SAPCD2: variants seen among roughly 807,000 people sequenced by gnomAD.
SAPCD2 encodes suppressor APC domain-containing protein 2.
A neutral mutation model predicts 37.8 loss-of-function variants in SAPCD2; 34 were observed. The ratio of observed to expected loss-of-function variants is 0.90; its 90% CI spans 0.68 to 1.20. SAPCD2 has a LOEUF of 1.20. SAPCD2 is among the 50% of genes most tolerant of loss of function. SAPCD2 has a pLI of 0.00. For synonymous variants in SAPCD2, 275 were observed against 270.3 expected (o/e 1.02, Z -0.17); for missense variants, 572 against 584.7 (o/e 0.98, Z 0.22).
Position 137,064,583 on chromosome 9 carries a change from G to A in SAPCD2, c.*76C>T. 2.0e-6 allele frequency: 3 copies of A among 1,509,532 alleles called. No homozygotes were observed. Among genetic ancestry groups the A allele is most frequent in the Non-Finnish European group, 2.7e-6 (3 of 1,112,708 alleles). 93.5% of individuals were successfully genotyped at this position (1,509,532 alleles called of 1,614,324 possible). A position where few individuals can be genotyped will look rare whatever the true frequency, so the allele number is the denominator to read the frequency against. On this transcript the variant is annotated 3_prime_UTR_variant, in exon 6 of 6. Coordinates refer to ENST00000409687, the MANE Select transcript of SAPCD2 (RefSeq NM_178448.4). ...TGCCGGGGGTCTCCAGCCAGAGAGG[G>A]TGGGTGCGATGGGGCGCCCACCCTC...
intron 1 of SAPCD2, among the ~76,000 whole-genome samples, chr9:137,067,089 G>A (rs9411244): frequency 0.2 from 30,307 of 152,028 alleles, 3,503 homozygotes; most frequent in East Asian, 0.34. Context: ...CCAGGTTCAA[G>A]TGATTCTCCG....
intron 1 of SAPCD2, among the ~76,000 whole-genome samples, chr9:137,067,940 C>G (rs993581350): frequency 6.6e-6 from 1 of 152,166 alleles, no homozygotes; most frequent in Non-Finnish European, 1.5e-5. Context: ...GGTGCCACTC[C>G]GGCCCAGCTT....
chr9:137,070,024 G>T lies in SAPCD2; in HGVS notation c.437C>A (p.Ala146Asp). The T allele has an allele frequency of 3.3e-6, 4 of 1,204,850 alleles. No homozygotes were observed. Among genetic ancestry groups the T allele is most frequent in the Non-Finnish European group, 3.1e-6 (3 of 970,618 alleles). 74.6% of individuals were successfully genotyped at this position (1,204,850 alleles called of 1,614,324 possible). The change falls in exon 1 of 6, where the codon GCC becomes GAC. Residue 146 changes from alanine to aspartate, a missense_variant. Transcript: ENST00000409687. The stretch of plus-strand genomic sequence containing the variant: ...GGCGGCGCTGGGACCGGCCAGAGGG[G>T]CGCGCACGCCCAGGGGCAGGGGCTT... ...ERKPLPLGVR[A>D]PLAGPSAAAR...
rs1832600357 is a variant in SAPCD2 at position 137,069,981 on chromosome 9, C to G, written c.480G>C (p.Gln160His). 1.6e-6 allele frequency: 2 copies of G among 1,231,198 alleles called. No individual in the cohort carries two copies. The highest frequency in any genetic ancestry group is 4.3e-5 in the Admixed American group (1 of 23,254). The allele number at this position is 1,231,198 out of a possible 1,614,324, so 76.3% of individuals were successfully genotyped here. ...GCGCCGCCTCAGCCGGGGCGCACAGCTGCTCCGGGCTGCGGGCGGCGGCGC... is the reference window on the plus strand; with the variant it reads ...GCGCCGCCTCAGCCGGGGCGCACAGGTGCTCCGGGCTGCGGGCGGCGGCGC... Reference protein sequence around the residue: ...GPSAAARSPEQLCAPAEAAPC... With the variant: ...GPSAAARSPEHLCAPAEAAPC... The change falls in exon 1 of 6, where the codon CAG becomes CAC. Residue 160 changes from glutamine (Q) to histidine (H), a missense_variant. Transcript: ENST00000409687.
chr9:137,067,828 G>A (rs1029071531), intron 1 of SAPCD2, among the ~76,000 whole-genome samples: 2 of 147,708 alleles, frequency 1.4e-5, no homozygotes, highest in African/African-American at 4.9e-5. Flanking sequence ...TACGCCAGGC[G>A]GTGCACCCAA....
chr9:137,065,223 G>A (rs771903197), intron 3 of SAPCD2, 38 bp from the exon 4 acceptor site: 3 of 1,374,064 alleles, frequency 2.2e-6, no homozygotes, highest in Middle Eastern at 1.9e-4. Flanking sequence ...CAGAGAGGAG[G>A]TCCAGCCGGG....
In SAPCD2 at chr9:137,070,288, C is replaced by A; in HGVS notation, c.173G>T (p.Gly58Val). Residue 58 changes from glycine (G) to valine (V), a missense_variant, in exon 1 of 6, where the codon GGC (glycine) becomes GTC (valine). Transcript: ENST00000409687. ...HLREIESRWQ[G>V]TDARELPRGV... The stretch of plus-strand genomic sequence containing the variant: ...GCGGGGCAGCTCCCGCGCGTCGGTG[C>A]CCTGCCAGCGGGACTCGATCTCGCG... 2 of 1,467,894 alleles carry A rather than the reference C, an allele frequency of 1.4e-6. No homozygotes were observed. The highest frequency in any genetic ancestry group is 1.8e-6 in the Non-Finnish European group (2 of 1,112,288). 90.9% of individuals were successfully genotyped at this position (1,467,894 alleles called of 1,614,324 possible). A position where few individuals can be genotyped will look rare whatever the true frequency, so the allele number is the denominator to read the frequency against.
intron 4 of SAPCD2, 27 bp downstream of exon 4, chr9:137,065,051 G>C (rs1430140997): frequency 6.7e-7 from 1 of 1,498,904 alleles, no homozygotes; most frequent in Non-Finnish European, 9.0e-7. Context: ...GCCCCAGCGT[G>C]GGTGTGGGGG....
In SAPCD2 at chr9:137,064,333, C is replaced by T; in HGVS notation, c.*326G>A. 2.5e-6 allele frequency: 1 copy of T among 404,938 alleles called. No homozygotes were observed. Among genetic ancestry groups the T allele is most frequent in the Non-Finnish European group, 4.5e-6 (1 of 220,868 alleles). The allele number at this position is 404,938 out of a possible 1,614,324, so 25.1% of individuals were successfully genotyped here. ...GAAGATGGGACCCAGGGCGGCACCG[C>T]TGGAAACGGGGGGACGCTAACTCAT... On this transcript the variant is annotated 3_prime_UTR_variant, in exon 6 of 6. Coordinates refer to ENST00000409687, the MANE Select transcript of SAPCD2 (RefSeq NM_178448.4).
chr9:137,067,666 C>T lies in SAPCD2; in HGVS notation c.572-1292G>A, dbSNP rs567654674. ...GCATGCACCTGTAATCCCAGCTACT[C>T]GGGAGGCTGAAGCAGGAGGATCGCT... On this transcript the variant is annotated intron_variant, in intron 1 of 5. Transcript: ENST00000409687. 8.8e-5 allele frequency among the ~76,000 whole-genome samples: 13 copies of T among 147,018 alleles called. No individual in the cohort carries two copies. In the East Asian group the frequency reaches 2.5e-3, roughly 28 times the overall value.
Position 137,062,222 on chromosome 9 carries a change from A to C in SAPCD2, c.*2437T>G, listed in dbSNP as rs1404397398. 6.6e-6 allele frequency: 1 copy of C among 152,028 alleles called. No homozygotes were observed. Among genetic ancestry groups the C allele is most frequent in the Non-Finnish European group, 1.5e-5 (1 of 68,016 alleles). The allele number at this position is 152,028 out of a possible 1,614,324, so 9.4% of individuals were successfully genotyped here. ...AATTCTAGTATCTGGGTCTAGAGTC[A>C]ATCTGTTGCTTCTGCTGGGTCTCAT... On this transcript the variant is annotated 3_prime_UTR_variant, in exon 6 of 6. Transcript: ENST00000409687.
chr9:137,065,478 G>T, intron 3 of SAPCD2, 44 bp downstream of exon 3: 1 of 1,545,826 alleles, frequency 6.5e-7, no homozygotes, highest in Non-Finnish European at 8.7e-7. Flanking sequence ...GGTGAGCTGG[G>T]GTCCCCATGT....
In SAPCD2 at chr9:137,064,330, C is replaced by T. The variant is rs1832508880; in HGVS notation, c.*329G>A. ...CCTGAAGATGGGACCCAGGGCGGCA[C>T]CGCTGGAAACGGGGGGACGCTAACT... On this transcript the variant is annotated 3_prime_UTR_variant, in exon 6 of 6. Coordinates refer to ENST00000409687, the MANE Select transcript of SAPCD2 (RefSeq NM_178448.4). 4.3e-5 allele frequency: 17 copies of T among 398,282 alleles called. No homozygotes were observed. Among genetic ancestry groups the T allele is most frequent in the South Asian group, 4.1e-4 (17 of 41,854 alleles). 24.7% of individuals were successfully genotyped at this position (398,282 alleles called of 1,614,324 possible). A position where few individuals can be genotyped will look rare whatever the true frequency, so the allele number is the denominator to read the frequency against.
intron 1 of SAPCD2, among the ~76,000 whole-genome samples, chr9:137,068,797 T>C (rs1832584931): frequency 6.6e-6 from 1 of 152,228 alleles, no homozygotes. Context: ...TGCAATCCCA[T>C]GGCTGATTTC....
Position 137,065,058 on chromosome 9 carries a change from G to T in SAPCD2, c.939+20C>A. The T allele has an allele frequency of 6.6e-7, 1 of 1,508,748 alleles. No individual in the cohort carries two copies. The highest frequency in any genetic ancestry group is 8.9e-7 in the Non-Finnish European group (1 of 1,124,792). The allele number at this position is 1,508,748 out of a possible 1,614,324, so 93.5% of individuals were successfully genotyped here. A position where few individuals can be genotyped will look rare whatever the true frequency, so the allele number is the denominator to read the frequency against. ...TGGCCTGGGCCCCAGCGTGGGTGTG[G>T]GGGTTTGGGGTACACTCACCCGGCT... On this transcript the variant is annotated intron_variant, in intron 4 of 5. Transcript: ENST00000409687.
Position 137,069,464 on chromosome 9 carries a change from G to A in SAPCD2, c.571+426C>T, listed in dbSNP as rs190679431. On this transcript the variant is annotated intron_variant, in intron 1 of 5. Coordinates refer to ENST00000409687, the MANE Select transcript of SAPCD2 (RefSeq NM_178448.4). Reference sequence around the variant, plus strand: ...CTGGCTAAGCTGTCACACTGAGAAGGGGGACCCTTTCTTTGAGAAGGAAGC... The same window carrying A: ...CTGGCTAAGCTGTCACACTGAGAAGAGGGACCCTTTCTTTGAGAAGGAAGC... Among the ~76,000 whole-genome samples, 1,023 of 152,356 alleles carry A rather than the reference G, an allele frequency of 6.7e-3. 4 individuals carry two copies. The highest frequency in any genetic ancestry group is 0.038 in the South Asian group (186 of 4,832).
intron 4 of SAPCD2, 39 bp downstream of exon 4, chr9:137,065,039 G>A (rs1447206909): frequency 6.7e-7 from 1 of 1,492,704 alleles, no homozygotes. Flanking sequence ...AAACTGGCCT[G>A]GGCCCCAGCG....
intron 3 of SAPCD2, 58 bp from the exon 4 acceptor site, chr9:137,065,243 G>T: frequency 3.1e-6 from 4 of 1,273,464 alleles, no homozygotes; most frequent in Non-Finnish European, 4.2e-6. Context: ...GGCCAGCAAG[G>T]TGCCTTGATA....
rs1168042420 is a variant in SAPCD2 at position 137,064,861 on chromosome 9, A to G, written c.1056+2T>C. 6.4e-7 allele frequency: 1 copy of G among 1,566,554 alleles called. No individual in the cohort carries two copies. The highest frequency in any genetic ancestry group is 1.2e-5 in the South Asian group (1 of 85,568). The stretch of plus-strand genomic sequence containing the variant: ...CCTGCACCCCTCCCGCGCCTGCCCT[A>G]CCTGGGTGAGGAGTCGGTTCTGCTC... On this transcript the variant is annotated splice_donor_variant, in intron 5 of 5. Transcript: ENST00000409687. LOFTEE classifies it high-confidence loss of function.
Sources: allele counts gnomAD v4.1 joint callset (sites outside exome capture counted in the v4.1 genomes callset), GRCh38; gene constraint gnomAD v4.1.1; transcripts MANE v1.5; gene names NCBI Gene and HGNC (gene_info 2026-07-23, HGNC 2026-07-21).